PLCG2: variants seen among roughly 807,000 people sequenced by gnomAD.
PLCG2 encodes phospholipase C gamma 2.
A neutral mutation model predicts 175.6 loss-of-function variants in PLCG2; 69 were observed. The ratio of observed to expected loss-of-function variants is 0.39; its 90% CI spans 0.32 to 0.48. The LOEUF is 0.48. Among genes scored for constraint, PLCG2 ranks in the 20% least tolerant of loss-of-function variants. The pLI is 0.91. For missense variants in PLCG2, 1,798 were observed against 1,650.9 expected, an observed-to-expected ratio of 1.09 and a Z score of -1.54; for synonymous variants, 827 against 624.0, an observed-to-expected ratio of 1.33 and a Z score of -4.85.
chr16:81,797,153 A>C (rs1340400249), intron 2 of PLCG2, among the ~76,000 whole-genome samples: 1 of 152,186 alleles, frequency 6.6e-6, no homozygotes, highest in Admixed American at 6.5e-5. Context: ...CCCTCAAAAT[A>C]GCACCAAGTT....
chr16:81,907,476 A>C (rs549558557), intron 15 of PLCG2, among the ~76,000 whole-genome samples: 13 of 152,374 alleles, frequency 8.5e-5, no homozygotes, highest in South Asian at 4.1e-4. Context: ...AAGAAGCTCA[A>C]ATACCAAAAG....
Position 81,782,835 on chromosome 16 carries a change from C to G in PLCG2, c.-47-3108C>G, listed in dbSNP as rs185968789. On this transcript the variant is annotated intron_variant, in intron 1 of 32. Coordinates refer to ENST00000564138, the MANE Select transcript of PLCG2 (RefSeq NM_002661.5). ...CAGTTGAATGGACATTACTGCTGCACCTTACACCCACCCTGCAGCATCAGA... is the reference window on the plus strand; with the variant it reads ...CAGTTGAATGGACATTACTGCTGCAGCTTACACCCACCCTGCAGCATCAGA... Among the ~76,000 whole-genome samples the G allele has an allele frequency of 6.6e-3, 1,000 of 152,306 alleles. 9 individuals carry two copies. Among genetic ancestry groups the G allele is most frequent in the South Asian group, 0.017 (80 of 4,830 alleles).
In PLCG2 at chr16:81,819,603, G is replaced by A. The variant is rs138143938; in HGVS notation, c.193+33421G>A. ...GTATTTATTATTATTATTATTTTTT[G>A]AGACCAAGCTTCGCTCTTTCGCCCA... On this transcript the variant is annotated intron_variant, in intron 2 of 32. Coordinates refer to ENST00000564138, the MANE Select transcript of PLCG2 (RefSeq NM_002661.5). Among the ~76,000 whole-genome samples the A allele has an allele frequency of 7.2e-5, 11 of 152,186 alleles. No individual in the cohort carries two copies. The East Asian group carries it at 2.1e-3, about 29-fold the overall frequency.
upstream of PLCG2, among the ~76,000 whole-genome samples, chr16:81,776,877 C>T (rs1054821448): frequency 3.3e-5 from 5 of 152,058 alleles, no homozygotes; most frequent in African/African-American, 1.2e-4. Flanking sequence ...TTTGAACAAC[C>T]AAGTTAGAGT....
chr16:81,843,918 T>C (rs1017403786), intron 2 of PLCG2, among the ~76,000 whole-genome samples: 4 of 152,242 alleles, frequency 2.6e-5, no homozygotes, highest in Non-Finnish European at 5.9e-5. Context: ...TTCCTTTCCT[T>C]TTCTGTTTCT....
At chr16:81,842,689 C>T (rs62045702) in intron 2 of PLCG2, 17,263 of 151,828 alleles carry the variant, frequency 0.11, 1,072 homozygotes, top group South Asian at 0.19. Context: ...GAGGACGTTC[C>T]GTGGGTGCAG....
At chr16:81,755,493 A>C (rs1008728426) in intron 1 of PLCG2, among the ~76,000 whole-genome samples, 2 of 151,342 alleles carry the variant, frequency 1.3e-5, no homozygotes, top group Non-Finnish European at 1.5e-5. Flanking sequence ...AGCGTGAGCC[A>C]CCAAACCTGG....
chr16:81,851,901 C>G (rs1192410140), intron 2 of PLCG2: 1 of 152,430 alleles, frequency 6.6e-6, no homozygotes, highest in East Asian at 1.9e-4. Context: ...TGCATCCCAT[C>G]CCCTCTCCTC....
At chr16:81,812,043 CTTTTTTTT>C (rs539108021) in intron 2 of PLCG2, among the ~76,000 whole-genome samples, 4 of 90,330 alleles carry the variant, frequency 4.4e-5, no homozygotes, top group African/African-American at 1.9e-4. Context: ...TGTTTCCTGA[CTTTTTTTT>C]TTTTTTTTTT....
chr16:81,883,790 T>G (rs529419030), intron 9 of PLCG2, among the ~76,000 whole-genome samples: 1 of 152,342 alleles, frequency 6.6e-6, no homozygotes, highest in South Asian at 2.1e-4. Flanking sequence ...AGCACAGCTT[T>G]CCTTAAACAG....
chr16:81,870,061 C>T (rs72837430), intron 6 of PLCG2, among the ~76,000 whole-genome samples: 3 of 152,166 alleles, frequency 2.0e-5, no homozygotes, highest in Non-Finnish European at 4.4e-5. Flanking sequence ...AAAATTATCC[C>T]ATTTTATTGC....
Position 81,936,332 on chromosome 16 carries a change from C to G in PLCG2, c.3006C>G (p.Leu1002=), listed in dbSNP as rs926170557. 1.2e-6 allele frequency: 2 copies of G among 1,614,210 alleles called. No homozygotes were observed. Among genetic ancestry groups the G allele is most frequent in the Non-Finnish European group, 1.7e-6 (2 of 1,180,046 alleles). The change falls in exon 27 of 33, where the codon CTC becomes CTG. Residue 1002 remains leucine (L), a synonymous_variant. Transcript: ENST00000564138. ...CTTCAAACTACGACCCCTTCCGCCTCTGGCTGTGCGGTTCTCAGATGGTGG... is the reference window on the plus strand; with the variant it reads ...CTTCAAACTACGACCCCTTCCGCCTGTGGCTGTGCGGTTCTCAGATGGTGG... The part of the protein sequence containing the change: ...VDSSNYDPFR[L]WLCGSQMVAL...
At chr16:81,802,093 CTTTTTTTTTTTTTTTTTTTT>C (rs1157731599) in intron 2 of PLCG2, among the ~76,000 whole-genome samples, 15 of 40,016 alleles carry the variant, frequency 3.7e-4, no homozygotes, top group Middle Eastern at 0.019. Context: ...TGAGTACAGT[CTTTTTTTTTTTTTTTTTTTT>C]TTTTTTTTTT....
chr16:81,800,259 T>A (rs776413593), intron 2 of PLCG2, among the ~76,000 whole-genome samples: 4 of 152,238 alleles, frequency 2.6e-5, no homozygotes, highest in African/African-American at 9.6e-5. Context: ...ATGTGTGGGA[T>A]ACATAGGTAA....
intron 19 of PLCG2, among the ~76,000 whole-genome samples, chr16:81,915,883 A>T (rs1490717907): frequency 6.6e-6 from 1 of 152,218 alleles, no homozygotes; most frequent in Non-Finnish European, 1.5e-5. Flanking sequence ...ATAAAAAATT[A>T]AGACATTACA....
intron 1 of PLCG2, among the ~76,000 whole-genome samples, chr16:81,744,057 A>C (rs1370448342): frequency 6.6e-6 from 1 of 151,052 alleles, no homozygotes. Context: ...ACAGGGTTTC[A>C]CTGTGTTGGC....
chr16:81,941,369 C>T lies in PLCG2; in HGVS notation c.3481+1310C>T, dbSNP rs151270814. Among the ~76,000 whole-genome samples the T allele has an allele frequency of 2.8e-4, 43 of 152,296 alleles. No homozygotes were observed. The East Asian group carries it at 4.5e-3, about 16-fold the overall frequency. ...AGAAGAAAGTGCAGGTTCCTGGACCCACCACAGGGTGATGAGTCAGCCCAG... is the reference window on the plus strand; with the variant it reads ...AGAAGAAAGTGCAGGTTCCTGGACCTACCACAGGGTGATGAGTCAGCCCAG... On this transcript the variant is annotated intron_variant, in intron 30 of 32. Coordinates refer to ENST00000564138, the MANE Select transcript of PLCG2 (RefSeq NM_002661.5).
chr16:81,817,645 C>G (rs544190437), intron 2 of PLCG2, among the ~76,000 whole-genome samples: 25 of 152,196 alleles, frequency 1.6e-4, no homozygotes, highest in Non-Finnish European at 2.4e-4. Context: ...TTTATTTTAT[C>G]TATTTATTTT....
chr16:81,824,019 C>CTTTCCTTTCT (rs1471219716), intron 2 of PLCG2, among the ~76,000 whole-genome samples: 1 of 29,868 alleles, frequency 3.3e-5, no homozygotes, highest in African/African-American at 1.3e-4. Context: ...CTTTCCTTTC[C>CTTTCCTTTCT]TTTCCTTTCC....
Sources: allele counts gnomAD v4.1 joint callset (sites outside exome capture counted in the v4.1 genomes callset), GRCh38; gene constraint gnomAD v4.1.1; transcripts MANE v1.5; gene names NCBI Gene and HGNC (gene_info 2026-07-23, HGNC 2026-07-21).